TMEM87A: variants seen among roughly 807,000 people sequenced by gnomAD.
TMEM87A encodes the protein transmembrane protein 87A.
A neutral mutation model predicts 90.0 loss-of-function variants in TMEM87A; 50 were observed. That is an observed-to-expected ratio of 0.56 (90% CI 0.44 to 0.70). The LOEUF is 0.70. TMEM87A is among the 30% of genes least tolerant of loss of function. The probability of loss-of-function intolerance (pLI) is 0.00; values close to 1 mark genes in which losing one functional copy is unlikely to be tolerated. For missense variants in TMEM87A, 577 were observed against 660.5 expected, an observed-to-expected ratio of 0.87 and a Z score of 1.39; for synonymous variants, 226 against 226.7, an observed-to-expected ratio of 1.00 and a Z score of 0.03.
chr15:42,253,543 T>A lies in TMEM87A; in HGVS notation c.504+7415A>T, dbSNP rs183505000. ...CCTGGCAAGGTTCCTTCAGGGAGCC[T>A]CCAGGCAGGTGAAAACACACAATGG... On this transcript the variant is annotated intron_variant, in intron 6 of 19. Coordinates refer to ENST00000389834, the MANE Select transcript of TMEM87A (RefSeq NM_015497.5). 8.5e-5 allele frequency among the ~76,000 whole-genome samples: 13 copies of A among 152,274 alleles called. No homozygotes were observed. In the East Asian group the frequency reaches 2.5e-3, roughly 29 times the overall value.
rs559292398 is a variant in TMEM87A at position 42,215,228 on chromosome 15, G to A, written c.1626+2575C>T. On this transcript the variant is annotated intron_variant, in intron 19 of 19. Coordinates refer to ENST00000389834, the MANE Select transcript of TMEM87A (RefSeq NM_015497.5). ...TAAAAATTCAGTATTGGCCAGGTGCGGTGGCTCACGCCTGTAATCCCAGCA... is the reference window on the plus strand; with the variant it reads ...TAAAAATTCAGTATTGGCCAGGTGCAGTGGCTCACGCCTGTAATCCCAGCA... Among the ~76,000 whole-genome samples, 27 of 152,300 alleles carry A rather than the reference G, an allele frequency of 1.8e-4. No individual in the cohort carries two copies. The South Asian group carries it at 4.6e-3, about 26-fold the overall frequency.
At chr15:42,213,233 A>C (rs1396233393) in intron 19 of TMEM87A, among the ~76,000 whole-genome samples, 1 of 152,234 alleles carries the variant, frequency 6.6e-6, no homozygotes, top group African/African-American at 2.4e-5. Context: ...TGGAACCTGC[A>C]CGAGAGACTG....
intron 4 of TMEM87A, 146 bp downstream of exon 4, chr15:42,263,944 G>A: frequency 1.7e-6 from 1 of 605,508 alleles, no homozygotes; most frequent in South Asian, 2.1e-5. Context: ...GTATGTATAA[G>A]TGGCTGACTA....
intron 19 of TMEM87A, among the ~76,000 whole-genome samples, chr15:42,212,366 G>GT (rs2050305318): frequency 6.6e-6 from 1 of 151,882 alleles, no homozygotes; most frequent in African/African-American, 2.4e-5. Context: ...TCTCACTATT[G>GT]TATCACAAAC....
intron 1 of TMEM87A, among the ~76,000 whole-genome samples, 186 bp from the exon 2 acceptor site, chr15:42,272,309 T>C (rs1019764714): frequency 1.3e-5 from 2 of 152,242 alleles, no homozygotes; most frequent in East Asian, 1.9e-4. Context: ...TCTAATGAAC[T>C]ATTCTGTGTG....
At chr15:42,228,949 C>G (rs1287645613) in intron 12 of TMEM87A, 129 bp from the exon 13 acceptor site, 1 of 573,730 alleles carries the variant, frequency 1.7e-6, no homozygotes, top group Non-Finnish European at 3.1e-6. Context: ...TTATAGCTCT[C>G]TTATTCTCAC....
intron 1 of TMEM87A, 168 bp downstream of exon 1, chr15:42,273,087 G>A (rs1486403474): frequency 2.6e-6 from 2 of 783,220 alleles, no homozygotes; most frequent in Non-Finnish European, 4.1e-6. Flanking sequence ...AGAAGTGCGC[G>A]GCTTTCCACT....
At chr15:42,214,921 A>G (rs2050355667) in intron 19 of TMEM87A, among the ~76,000 whole-genome samples, 1 of 152,216 alleles carries the variant, frequency 6.6e-6, no homozygotes, top group Non-Finnish European at 1.5e-5. Context: ...AGAATTGGAG[A>G]AAATATTTGC....
rs750851583 is a variant in TMEM87A at position 42,273,235 on chromosome 15, T to C, written c.144+20A>G. Reference sequence around the variant, plus strand: ...CCCCTTGCTCCTCTAGGTTCAGACGTTAGTGAAGTGAATACTCACCGACGG... The same window carrying C: ...CCCCTTGCTCCTCTAGGTTCAGACGCTAGTGAAGTGAATACTCACCGACGG... On this transcript the variant is annotated intron_variant, in intron 1 of 19. Transcript: ENST00000389834. The C allele has an allele frequency of 1.9e-6, 3 of 1,613,796 alleles. No individual in the cohort carries two copies. Among genetic ancestry groups the C allele is most frequent in the Middle Eastern group, 1.7e-4 (1 of 6,060 alleles).
chr15:42,234,217 G>T (rs2050735551), intron 10 of TMEM87A, among the ~76,000 whole-genome samples: 1 of 152,144 alleles, frequency 6.6e-6, no homozygotes, highest in African/African-American at 2.4e-5. Context: ...CCTAATATAT[G>T]AAAAGTCTTC....
At chr15:42,230,581 T>C (rs1402598186) in intron 12 of TMEM87A, among the ~76,000 whole-genome samples, 1 of 152,216 alleles carries the variant, frequency 6.6e-6, no homozygotes, top group African/African-American at 2.4e-5. Context: ...ATTGCTCAAA[T>C]AGAAGCTTGT....
intron 19 of TMEM87A, among the ~76,000 whole-genome samples, chr15:42,215,262 G>C (rs1012193449): frequency 6.6e-6 from 1 of 152,196 alleles, no homozygotes; most frequent in African/African-American, 2.4e-5. Flanking sequence ...CATTTTGGGA[G>C]GCTGAGGTGG....
chr15:42,263,139 G>A (rs2051330278), intron 4 of TMEM87A, among the ~76,000 whole-genome samples: 1 of 152,334 alleles, frequency 6.6e-6, no homozygotes, highest in South Asian at 2.1e-4. Flanking sequence ...AATTAAAAAT[G>A]TGACGTTTTA....
At chr15:42,273,546 C>G, upstream of TMEM87A, 1 of 1,369,748 alleles carries the variant, frequency 7.3e-7, no homozygotes, top group South Asian at 1.4e-5. Context: ...GCCCCTCTCT[C>G]AGACAGTCGT....
intron 6 of TMEM87A, chr15:42,258,216 T>C (rs1226334632): frequency 3.2e-6 from 3 of 943,412 alleles, no homozygotes; most frequent in African/African-American, 1.8e-5. Flanking sequence ...GTCCATGTTA[T>C]ATTGCTAAGC....
intron 3 of TMEM87A, among the ~76,000 whole-genome samples, chr15:42,264,683 G>GTGTATATA (rs1449477404): frequency 2.6e-5 from 3 of 116,368 alleles, no homozygotes; most frequent in African/African-American, 9.0e-5. Flanking sequence ...ATATGTGTGT[G>GTGTATATA]TATATATATA....
At chr15:42,237,398 C>T (rs781396257) in intron 9 of TMEM87A, 34 bp downstream of exon 9, 1 of 1,606,018 alleles carries the variant, frequency 6.2e-7, no homozygotes, top group Admixed American at 1.7e-5. Flanking sequence ...ACCTTCCAAC[C>T]ACTCGAACTG....
chr15:42,235,737 T>A (rs537306341), intron 10 of TMEM87A, among the ~76,000 whole-genome samples: 1 of 152,314 alleles, frequency 6.6e-6, no homozygotes, highest in South Asian at 2.1e-4. Flanking sequence ...TCACCCTATG[T>A]ACAACTGCAA....
chr15:42,268,266 T>C (rs548900342), intron 2 of TMEM87A, among the ~76,000 whole-genome samples: 1 of 152,332 alleles, frequency 6.6e-6, no homozygotes, highest in Admixed American at 6.5e-5. Flanking sequence ...CTCTGGAAAC[T>C]GTGGATCTAT....
Sources: gnomAD v4.1 joint callset for allele counts (sites outside exome capture counted in the v4.1 genomes callset) on GRCh38, gnomAD v4.1.1 for gene constraint, MANE v1.5 for transcripts, NCBI Gene and HGNC (gene_info 2026-07-23, HGNC 2026-07-21) for gene names.